The following PSMD11 variants were observed in gnomAD, a reference collection of about 807,000 sequenced individuals.
The protein encoded by PSMD11 is proteasome 26S subunit, non-ATPase 11, also known as 26S proteasome non-ATPase regulatory subunit 11.
In PSMD11, 5 loss-of-function variants were observed where a neutral mutation model predicts 62.3. The observed-to-expected ratio is 0.08, with a 90% CI of 0.04 to 0.17. The LOEUF (loss-of-function observed/expected upper bound fraction) is 0.17, where lower values mean the gene tolerates loss of function less well. Among genes scored for constraint, PSMD11 ranks in the 10% least tolerant of loss-of-function variants. PSMD11 has a pLI of 1.00. For synonymous variants in PSMD11, 191 were observed against 191.8 expected (o/e 1.00, Z 0.03); for missense variants, 310 against 512.9 (o/e 0.60, Z 3.82).
chr17:32,465,662 A>G (rs1278970602), intron 5 of PSMD11, among the ~76,000 whole-genome samples: 2 of 152,194 alleles, frequency 1.3e-5, no homozygotes, highest in Non-Finnish European at 2.9e-5. Context: ...TTGTACAACC[A>G]TCACCACTAC....
chr17:32,460,712 G>A (rs956592804), intron 3 of PSMD11, among the ~76,000 whole-genome samples: 3 of 150,382 alleles, frequency 2.0e-5, no homozygotes, highest in Non-Finnish European at 4.4e-5. Context: ...GGCGGAGCTT[G>A]CAGTGAGCGC....
At chr17:32,477,478 G>T (rs1382000786) in intron 8 of PSMD11, 43 bp from the exon 9 acceptor site, 25 of 1,524,326 alleles carry the variant, frequency 1.6e-5, no homozygotes, top group African/African-American at 2.8e-5. Context: ...AAATGTTAGT[G>T]TGCAGAATAA....
chr17:32,452,975 G>A (rs1907551883), intron 2 of PSMD11, among the ~76,000 whole-genome samples: 1 of 152,196 alleles, frequency 6.6e-6, no homozygotes, highest in Non-Finnish European at 1.5e-5. Flanking sequence ...AAATGTAAAT[G>A]ATAATTATCT....
chr17:32,466,063 T>G (rs1269876703), intron 5 of PSMD11, among the ~76,000 whole-genome samples: 2 of 152,166 alleles, frequency 1.3e-5, no homozygotes, highest in Non-Finnish European at 2.9e-5. Flanking sequence ...GGGTGTGATG[T>G]TGGCTCACTG....
At chr17:32,447,123 C>A in intron 2 of PSMD11, 77 bp downstream of exon 2, 1 of 1,154,998 alleles carries the variant, frequency 8.7e-7, no homozygotes, top group Non-Finnish European at 1.2e-6. Context: ...AATCATGGGA[C>A]TGATCCACAA....
chr17:32,478,405 A>G (rs547292224), intron 9 of PSMD11, among the ~76,000 whole-genome samples: 28 of 152,312 alleles, frequency 1.8e-4, no homozygotes, highest in Middle Eastern at 3.4e-3. Flanking sequence ...CACAGCTGAC[A>G]TGAGGCTGGG....
rs977621684 is a variant in PSMD11 at position 32,454,862 on chromosome 17, G to A, written c.318+243G>A. ...CCTCATTACATCAGGGTCACAAACT[G>A]ATTCTTGTCTTTGAGGTATTGTATT... On this transcript the variant is annotated intron_variant, in intron 3 of 13. Coordinates refer to ENST00000261712, the MANE Select transcript of PSMD11 (RefSeq NM_002815.4). 3.1e-4 allele frequency: 121 copies of A among 388,536 alleles called. 1 individual carries two copies. Among genetic ancestry groups the A allele is most frequent in the Admixed American group, 8.5e-5 (2 of 23,392 alleles). 24.1% of individuals were successfully genotyped at this position (388,536 alleles called of 1,614,324 possible).
rs1409033832 is a variant in PSMD11 at position 32,482,668 on chromosome 17, T to G, written c.*1916T>G. The G allele has an allele frequency of 3.3e-5, 5 of 152,300 alleles. No individual in the cohort carries two copies. The highest frequency in any genetic ancestry group is 4.8e-5 in the African/African-American group (2 of 41,448). The allele number at this position is 152,300 out of a possible 1,614,324, so 9.4% of individuals were successfully genotyped here. A position where few individuals can be genotyped will look rare whatever the true frequency, so the allele number is the denominator to read the frequency against. ...CCTCTGAGCCTACTTTCTCTTCTAC[T>G]CAGTGAGGATGCTGCTTCCTTGGCA... On this transcript the variant is annotated 3_prime_UTR_variant, in exon 14 of 14. Transcript: ENST00000261712.
At chr17:32,463,900 C>G (rs1451224574) in intron 3 of PSMD11, 149 bp from the exon 4 acceptor site, 2 of 711,760 alleles carry the variant, frequency 2.8e-6, no homozygotes, top group Non-Finnish European at 4.9e-6. Context: ...TATGATATAA[C>G]TATTACACAT....
chr17:32,481,113 A>T lies in PSMD11; in HGVS notation c.*361A>T, dbSNP rs1265382201. ...GGGGGTCCTAATCCACCTGCTGGGC[A>T]TCACCTCTCCTCCTCCTCAGAATTG... On this transcript the variant is annotated 3_prime_UTR_variant, in exon 14 of 14. Transcript: ENST00000261712. The T allele has an allele frequency of 6.4e-6, 1 of 155,568 alleles. No individual in the cohort carries two copies. Among genetic ancestry groups the T allele is most frequent in the Non-Finnish European group, 1.4e-5 (1 of 70,430 alleles). The allele number at this position is 155,568 out of a possible 1,614,324, so 9.6% of individuals were successfully genotyped here.
At chr17:32,479,977 T>C (rs1438360847) in intron 11 of PSMD11, 91 bp downstream of exon 11, 1 of 1,518,560 alleles carries the variant, frequency 6.6e-7, no homozygotes, top group African/African-American at 1.4e-5. Flanking sequence ...ATTGGAAAGC[T>C]CCCCAGCTTC....
chr17:32,463,863 G>A (rs762638815), intron 3 of PSMD11, among the ~76,000 whole-genome samples, 186 bp from the exon 4 acceptor site: 2 of 152,138 alleles, frequency 1.3e-5, no homozygotes, highest in South Asian at 2.1e-4. Flanking sequence ...AATATTTTAT[G>A]TGTAAAAAGC....
At chr17:32,454,396 G>T (rs541483370) in intron 2 of PSMD11, 99 bp from the exon 3 acceptor site, 25 of 1,249,936 alleles carry the variant, frequency 2.0e-5, no homozygotes, top group Non-Finnish European at 2.8e-5. Context: ...TTCCAGTGAT[G>T]TAAGTACCGA....
intron 3 of PSMD11, among the ~76,000 whole-genome samples, chr17:32,457,823 T>TG (rs1415107245): frequency 1.3e-5 from 2 of 149,882 alleles, no homozygotes; most frequent in African/African-American, 4.9e-5. Context: ...TTCCCCGAGA[T>TG]GGAGTCTTGC....
At chr17:32,477,492 G>C (rs143553620) in intron 8 of PSMD11, 29 bp from the exon 9 acceptor site, 1 of 1,573,290 alleles carries the variant, frequency 6.4e-7, no homozygotes, top group South Asian at 1.1e-5. Flanking sequence ...AGAATAAATC[G>C]CTTTCATGGT....
At chr17:32,466,314 C>A (rs1379912960) in intron 5 of PSMD11, among the ~76,000 whole-genome samples, 2 of 152,116 alleles carry the variant, frequency 1.3e-5, no homozygotes, top group Admixed American at 1.3e-4. Context: ...ATTTTTATCA[C>A]CCCAGAAAGA....
In PSMD11 at chr17:32,465,325, C is replaced by T. The variant is rs530107070; in HGVS notation, c.448+747C>T. On this transcript the variant is annotated intron_variant, in intron 5 of 13. Coordinates refer to ENST00000261712, the MANE Select transcript of PSMD11 (RefSeq NM_002815.4). ...ATGGGGTTTTGCTGTGTTGGCCATG[C>T]TGGTCTCAAACTACTGACCTCAAGT... Among the ~76,000 whole-genome samples the T allele has an allele frequency of 3.0e-4, 46 of 152,164 alleles. No homozygotes were observed. In the South Asian group the frequency reaches 9.5e-3, roughly 32 times the overall value.
Position 32,454,533 on chromosome 17 carries a change from A to C in PSMD11, c.232A>C (p.Asn78His), listed in dbSNP as rs773044556. 3.1e-6 allele frequency: 5 copies of C among 1,613,916 alleles called. No individual in the cohort carries two copies. In the East Asian group the frequency reaches 1.1e-4, roughly 36 times the overall value. ...CCTGAAGTATGTACGACCCTTCTTGAATTCCATCAGCAAGGCTAAAGCAGC... is the reference window on the plus strand; with the variant it reads ...CCTGAAGTATGTACGACCCTTCTTGCATTCCATCAGCAAGGCTAAAGCAGC... Reference protein sequence around the residue: ...GLLKYVRPFLNSISKAKAARL... With the variant: ...GLLKYVRPFLHSISKAKAARL... The change falls in exon 3 of 14, where the codon AAT becomes CAT. Residue 78 changes from asparagine to histidine, a missense_variant. Physicochemically the swap from Asn to His is moderately conservative, Grantham distance 68. Coordinates refer to ENST00000261712, the MANE Select transcript of PSMD11 (RefSeq NM_002815.4).
At position 32,481,357 on chromosome 17, in the gene PSMD11, G is replaced by GCAA. The variant is rs1233220148; in HGVS notation, c.*611_*613dup. On this transcript the variant is annotated 3_prime_UTR_variant, in exon 14 of 14. Transcript: ENST00000261712. Reference sequence around the variant, plus strand: ...CGCCGCCACCACCACCACCACTGCAGCAACAACAGCAGCAGCAGCAGCAGC... The same window carrying GCAA: ...CGCCGCCACCACCACCACCACTGCAGCAACAACAACAGCAGCAGCAGCAGCAGC... The GCAA allele has an allele frequency of 6.2e-6, 1 of 162,396 alleles. No individual in the cohort carries two copies. The highest frequency in any genetic ancestry group is 1.6e-4 in the South Asian group (1 of 6,076). The allele number at this position is 162,396 out of a possible 1,614,324, so 10.1% of individuals were successfully genotyped here.
Sources: allele counts gnomAD v4.1 joint callset (sites outside exome capture counted in the v4.1 genomes callset), GRCh38; gene constraint gnomAD v4.1.1; transcripts MANE v1.5; gene names NCBI Gene and HGNC (gene_info 2026-07-23, HGNC 2026-07-21).